Variants in PEX14 observed in about 807,000 individuals in gnomAD.
PEX14 encodes peroxisomal membrane protein PEX14.
In PEX14, 15 loss-of-function variants were observed where a neutral mutation model predicts 49.5. That is an observed-to-expected ratio of 0.30 (90% CI 0.20 to 0.47). The LOEUF (loss-of-function observed/expected upper bound fraction) is 0.47, where lower values mean the gene tolerates loss of function less well. Ranked by LOEUF, PEX14 falls within the 20% of genes least tolerant of loss-of-function variation. The pLI, the probability that PEX14 is intolerant of heterozygous loss-of-function variation, is 1.00. For synonymous variants in PEX14, 210 were observed against 212.7 expected, an observed-to-expected ratio of 0.99 and a Z score of 0.11; for missense variants, 398 against 494.8, an observed-to-expected ratio of 0.80 and a Z score of 1.86.
rs1330197433 is a variant in PEX14 at position 10,495,469 on chromosome 1, ACTTCT to A, written c.84+155_84+159del. 2.8e-6 allele frequency: 2 copies of A among 712,200 alleles called. No individual in the cohort carries two copies. Among genetic ancestry groups the A allele is most frequent in the Non-Finnish European group, 5.0e-6 (2 of 396,358 alleles). The allele number at this position is 712,200 out of a possible 1,614,324, so 44.1% of individuals were successfully genotyped here. A position where few individuals can be genotyped will look rare whatever the true frequency, so the allele number is the denominator to read the frequency against. ...AGACTGCCTCTGTCAGTGACCTCTG[ACTTCT>A]CTTCTCGCGTGTGGGGACGAGTGAG... On this transcript the variant is annotated intron_variant, in intron 2 of 8. Transcript: ENST00000356607. This position sits in a 1 kb window ranked among gnomAD's most constrained non-coding sequence, Gnocchi z 4.2.
rs564430718 is a variant in PEX14 at position 10,535,531 on chromosome 1, C to T, written c.85-682C>T. Among the ~76,000 whole-genome samples the T allele has an allele frequency of 7.1e-4, 108 of 152,270 alleles. 1 individual carries two copies. The highest frequency in any genetic ancestry group is 2.6e-3 in the African/African-American group (106 of 41,554). On this transcript the variant is annotated intron_variant, in intron 2 of 8. Transcript: ENST00000356607. ...TGTCTCCGACATAATCCCTTCCAGC[C>T]GGGACGCCCTCAACACTTTGCCAGG...
chr1:10,527,817 ACCAC>A (rs1004676198), intron 2 of PEX14, among the ~76,000 whole-genome samples: 29 of 151,982 alleles, frequency 1.9e-4, no homozygotes, highest in Middle Eastern at 3.4e-3. Flanking sequence ...AAGACTATGC[ACCAC>A]CACACCTGGC....
At chr1:10,554,133 C>CAAAAAAAAAA (rs33963510) in intron 3 of PEX14, among the ~76,000 whole-genome samples, 17 of 111,050 alleles carry the variant, frequency 1.5e-4, no homozygotes, top group African/African-American at 2.1e-4. Flanking sequence ...ACTAAAAATA[C>CAAAAAAAAAA]AAAAAAAAAA....
intron 2 of PEX14, among the ~76,000 whole-genome samples, chr1:10,508,922 T>C (rs994069251): frequency 4.0e-5 from 6 of 150,820 alleles, no homozygotes; most frequent in African/African-American, 1.5e-4. Flanking sequence ...GTGGCATTCC[T>C]GAAAGACAAA....
In PEX14 at chr1:10,475,084, G is replaced by C. The variant is rs555535853; in HGVS notation, c.36+82G>C. 2.2e-6 allele frequency: 3 copies of C among 1,357,680 alleles called. No homozygotes were observed. The East Asian group carries it at 7.3e-5, about 33-fold the overall frequency. The allele number at this position is 1,357,680 out of a possible 1,614,324, so 84.1% of individuals were successfully genotyped here. ...TCAGCATACGGCTGGGAGCCGGGTA[G>C]GGACCCCGAGTCTCCGAAGCTGGGG... is the stretch of plus-strand genomic sequence containing the variant. On this transcript the variant is annotated intron_variant, in intron 1 of 8. Transcript: ENST00000356607.
At chr1:10,536,756 G>T (rs908255554) in intron 3 of PEX14, among the ~76,000 whole-genome samples, 1 of 152,186 alleles carries the variant, frequency 6.6e-6, no homozygotes, top group South Asian at 2.1e-4. Flanking sequence ...GGGTCAGTCC[G>T]ATTTACAGAT....
At chr1:10,536,143 T>A (rs1039352560) in intron 2 of PEX14, 70 bp from the exon 3 acceptor site, 1 of 986,716 alleles carries the variant, frequency 1.0e-6, no homozygotes, top group African/African-American at 1.6e-5. Context: ...GAAAAACTCC[T>A]AGGATTTTTA....
chr1:10,550,172 T>G (rs1639295168), intron 3 of PEX14, among the ~76,000 whole-genome samples: 1 of 152,108 alleles, frequency 6.6e-6, no homozygotes, highest in South Asian at 2.1e-4. Context: ...TAGGTTTGCA[T>G]TGGGAAGGTT....
rs184188861 is a variant in PEX14, at chr1:10,525,427, A to G, written c.85-10786A>G. ...TATGTTACTTGTGAAGTCGTCTACA[A>G]GGGTGTGACCTGTATTAGATACCGC... On this transcript the variant is annotated intron_variant, in intron 2 of 8. Transcript: ENST00000356607. Among the ~76,000 whole-genome samples the G allele has an allele frequency of 4.5e-4, 68 of 152,344 alleles. 1 individual carries two copies. In the East Asian group the frequency reaches 0.012, roughly 26 times the overall value.
chr1:10,586,599 C>CATAATGTT (rs149282023), intron 3 of PEX14, among the ~76,000 whole-genome samples: 9,862 of 144,926 alleles, frequency 0.068, 435 homozygotes, highest in East Asian at 0.21. Flanking sequence ...GACTCGCAAG[C>CATAATGTT]ATAATGTTGA....
chr1:10,546,884 A>T (rs945276768), intron 3 of PEX14, among the ~76,000 whole-genome samples: 3 of 152,066 alleles, frequency 2.0e-5, no homozygotes, highest in Non-Finnish European at 4.4e-5. Context: ...AAAACAAAAA[A>T]CGAACAACTA....
At chr1:10,481,668 C>G (rs866882201) in intron 1 of PEX14, among the ~76,000 whole-genome samples, 1 of 152,096 alleles carries the variant, frequency 6.6e-6, no homozygotes, top group African/African-American at 2.4e-5. Flanking sequence ...AACTCCTGAC[C>G]TCAAGTGAGC....
intron 3 of PEX14, among the ~76,000 whole-genome samples, chr1:10,538,532 C>A (rs947931433): frequency 2.0e-5 from 3 of 152,162 alleles, no homozygotes; most frequent in East Asian, 3.8e-4. Flanking sequence ...GAGTTGAATC[C>A]CAATGGAGTA....
At chr1:10,521,027 T>C (rs1638277268) in intron 2 of PEX14, among the ~76,000 whole-genome samples, 1 of 151,722 alleles carries the variant, frequency 6.6e-6, no homozygotes, top group African/African-American at 2.4e-5. Context: ...CTTTTTAATC[T>C]TCTTTTTTCT....
intron 3 of PEX14, among the ~76,000 whole-genome samples, chr1:10,582,372 G>A (rs1444594964): frequency 6.6e-6 from 1 of 152,064 alleles, no homozygotes; most frequent in Non-Finnish European, 1.5e-5. Flanking sequence ...TAATGAATAA[G>A]GCAGAGAATA....
intron 3 of PEX14, among the ~76,000 whole-genome samples, chr1:10,558,485 A>G (rs1433952260): frequency 2.0e-5 from 3 of 152,042 alleles, no homozygotes; most frequent in Admixed American, 2.0e-4. Context: ...CTGTAATCCC[A>G]GCACTTTGGG....
chr1:10,570,187 G>A, intron 3 of PEX14, among the ~76,000 whole-genome samples: 1 of 151,644 alleles, frequency 6.6e-6, no homozygotes, highest in Non-Finnish European at 1.5e-5. Flanking sequence ...CTGCTCTCAG[G>A]TGTTTATGAG....
chr1:10,629,840 G>A lies in PEX14; in HGVS notation c.987G>A (p.Glu329=), dbSNP rs1224798287. ...KREDKEDEED[E]EDDDVSHVDE... Reference sequence around the variant, plus strand: ...AGGACAAGGAGGACGAGGAGGATGAGGAGGATGATGATGTGAGCCATGTGG... The same window carrying A: ...AGGACAAGGAGGACGAGGAGGATGAAGAGGATGATGATGTGAGCCATGTGG... Residue 329 remains glutamate, a synonymous_variant, in exon 9 of 9, where the codon GAG becomes GAA. Coordinates refer to ENST00000356607, the MANE Select transcript of PEX14 (RefSeq NM_004565.3). The surrounding 1 kb of genome is among the most constrained non-coding windows in gnomAD (Gnocchi z 8.5). The A allele has an allele frequency of 6.2e-7, 1 of 1,605,856 alleles. No homozygotes were observed. The highest frequency in any genetic ancestry group is 2.2e-5 in the East Asian group (1 of 44,726).
chr1:10,630,003 C>T lies in PEX14; in HGVS notation c.*16C>T. The T allele has an allele frequency of 6.2e-7, 1 of 1,606,860 alleles. No homozygotes were observed. The highest frequency in any genetic ancestry group is 8.5e-7 in the Non-Finnish European group (1 of 1,179,430). ...GCGGGACTAGGGCTGCGCCTGCTGC[C>T]TCCAGCCCTGAGGATGGCATCTAGT... is the stretch of plus-strand genomic sequence containing the variant. On this transcript the variant is annotated 3_prime_UTR_variant, in exon 9 of 9. Transcript: ENST00000356607. This position sits in a 1 kb window ranked among gnomAD's most constrained non-coding sequence, Gnocchi z 4.1.
Sources: gnomAD v4.1 joint callset for allele counts (sites outside exome capture counted in the v4.1 genomes callset) on GRCh38, gnomAD v4.1.1 for gene constraint, Gnocchi (gnomAD v3.1) non-coding constraint, MANE v1.5 for transcripts, NCBI Gene and HGNC (gene_info 2026-07-23, HGNC 2026-07-21) for gene names.